Variants in PAX7 observed in about 807,000 individuals in gnomAD.
The protein encoded by PAX7 is paired box 7, also known as paired box protein Pax-7.
A neutral mutation model predicts 50.7 loss-of-function variants in PAX7; 18 were observed. That is an observed-to-expected ratio of 0.36 (90% CI 0.25 to 0.53). The LOEUF (loss-of-function observed/expected upper bound fraction) is 0.53. Among genes scored for constraint, PAX7 ranks in the 20% least tolerant of loss-of-function variants. The pLI, the probability that PAX7 is intolerant of heterozygous loss-of-function variation, is 0.93. For missense variants in PAX7, 644 were observed against 702.9 expected, an observed-to-expected ratio of 0.92 and a Z score of 0.95; for synonymous variants, 310 against 290.4, an observed-to-expected ratio of 1.07 and a Z score of -0.69.
intron 7 of PAX7, among the ~76,000 whole-genome samples, chr1:18,732,997 C>T (rs760129492): frequency 2.0e-5 from 3 of 152,076 alleles, no homozygotes; most frequent in Non-Finnish European, 2.9e-5. Flanking sequence ...TTCTGAGCCT[C>T]TAAGTCTATT....
chr1:18,657,983 C>G (rs573021010), intron 4 of PAX7, among the ~76,000 whole-genome samples: 3 of 152,310 alleles, frequency 2.0e-5, no homozygotes, highest in African/African-American at 7.2e-5. Flanking sequence ...TTTGTCCCCC[C>G]AGGGCCGACG....
chr1:18,727,820 G>A (rs1014424135), intron 7 of PAX7, among the ~76,000 whole-genome samples: 11 of 152,140 alleles, frequency 7.2e-5, no homozygotes, highest in East Asian at 3.9e-4. Flanking sequence ...GCAGGGCTTC[G>A]GTGTGGGATG....
At chr1:18,724,402 A>G (rs643644) in intron 7 of PAX7, among the ~76,000 whole-genome samples, 144,743 of 152,368 alleles carry the variant, frequency 0.95, 68,804 homozygotes, top group East Asian at 1. Context: ...GCCCCAACAC[A>G]GCCAAGGCAC....
intron 4 of PAX7, among the ~76,000 whole-genome samples, chr1:18,648,618 T>C (rs1209015433): frequency 6.6e-6 from 1 of 152,084 alleles, no homozygotes; most frequent in Non-Finnish European, 1.5e-5. Context: ...GCTGGGATTA[T>C]AGTGATGAGC....
intron 7 of PAX7, among the ~76,000 whole-genome samples, chr1:18,703,826 A>C (rs992630310): frequency 1.3e-5 from 2 of 152,192 alleles, no homozygotes; most frequent in African/African-American, 2.4e-5. Context: ...CCCCTGCCAC[A>C]TGTCTGTGGT....
intron 7 of PAX7, among the ~76,000 whole-genome samples, chr1:18,722,441 A>G (rs1012505535): frequency 6.6e-5 from 10 of 152,196 alleles, no homozygotes; most frequent in Admixed American, 2.0e-4. Context: ...TGGTACGTCA[A>G]TGCCGTGGGC....
chr1:18,646,394 T>C (rs547925463), intron 4 of PAX7, among the ~76,000 whole-genome samples: 1 of 152,210 alleles, frequency 6.6e-6, no homozygotes, highest in African/African-American at 2.4e-5. Flanking sequence ...GTCGACCCTC[T>C]TCCCCAAAAA....
At position 18,747,955 on chromosome 1, in the gene PAX7, T is replaced by G. The variant is rs1456090479; in HGVS notation, c.*3026T>G. ...GGTTCTTTCAATCTTGTTCCTTTAT[T>G]TTTTTCATTTGGTATTTCTCTCTTG... On this transcript the variant is annotated 3_prime_UTR_variant, in exon 9 of 9. Coordinates refer to ENST00000420770, the MANE Select transcript of PAX7 (RefSeq NM_001135254.2). 1 of 199,618 alleles carries G rather than the reference T, an allele frequency of 5.0e-6. No homozygotes were observed. The highest frequency in any genetic ancestry group is 1.0e-5 in the Non-Finnish European group (1 of 96,716). 12.4% of individuals were successfully genotyped at this position (199,618 alleles called of 1,614,324 possible).
In PAX7 at chr1:18,691,784, A is replaced by G; in HGVS notation, c.617A>G (p.Glu206Gly). 6.3e-7 allele frequency: 1 copy of G among 1,598,630 alleles called. No homozygotes were observed. Among genetic ancestry groups the G allele is most frequent in the Non-Finnish European group, 8.5e-7 (1 of 1,173,192 alleles). Reference sequence around the variant, plus strand: ...CGGCTGGACGAGGGCTCGGATGTGGAGTCGGAACCTGACCTCCCACTGAAG... The same window carrying G: ...CGGCTGGACGAGGGCTCGGATGTGGGGTCGGAACCTGACCTCCCACTGAAG... ...GNRLDEGSDVESEPDLPLKRK... is the reference protein window; with the variant it reads ...GNRLDEGSDVGSEPDLPLKRK... The change falls in exon 5 of 9, where the codon GAG becomes GGG. Residue 206 changes from glutamate to glycine, a missense_variant. Physicochemically the swap from Glu to Gly is moderately conservative, Grantham distance 98 (BLOSUM62 -2). Coordinates refer to ENST00000420770, the MANE Select transcript of PAX7 (RefSeq NM_001135254.2).
chr1:18,742,306 C>T (rs555853909), intron 8 of PAX7, among the ~76,000 whole-genome samples: 4 of 152,126 alleles, frequency 2.6e-5, no homozygotes, highest in East Asian at 3.9e-4. Context: ...TACTGGCATG[C>T]GCCACCACGT....
At chr1:18,688,300 C>T (rs575363832) in intron 4 of PAX7, among the ~76,000 whole-genome samples, 12 of 152,264 alleles carry the variant, frequency 7.9e-5, no homozygotes, top group African/African-American at 1.4e-4. Context: ...GACTAGCACA[C>T]GGGAAGTTGT....
At chr1:18,671,288 C>T (rs2088744866) in intron 4 of PAX7, among the ~76,000 whole-genome samples, 1 of 152,212 alleles carries the variant, frequency 6.6e-6, no homozygotes, top group Admixed American at 6.5e-5. Flanking sequence ...AAAATGAGTG[C>T]ATGAGAGACA....
Position 18,661,737 on chromosome 1 carries a change from G to T in PAX7, c.586+25366G>T, listed in dbSNP as rs192977869. On this transcript the variant is annotated intron_variant, in intron 4 of 8. Coordinates refer to ENST00000420770, the MANE Select transcript of PAX7 (RefSeq NM_001135254.2). ...AGCACACAAGAGCCTGGGCTCCCTCGGCCAACTGGGCCTGGCCTTTGAAGC... is the reference window on the plus strand; with the variant it reads ...AGCACACAAGAGCCTGGGCTCCCTCTGCCAACTGGGCCTGGCCTTTGAAGC... 1.5e-3 allele frequency among the ~76,000 whole-genome samples: 232 copies of T among 152,294 alleles called. 1 individual carries two copies. The highest frequency in any genetic ancestry group is 0.01 in the South Asian group (49 of 4,826).
At chr1:18,699,705 C>T (rs1019409626) in intron 5 of PAX7, among the ~76,000 whole-genome samples, 75 of 152,138 alleles carry the variant, frequency 4.9e-4, no homozygotes, top group African/African-American at 1.5e-3. Context: ...GGACTACAGG[C>T]GCCCACCACC....
At chr1:18,722,873 C>T (rs2089512482) in intron 7 of PAX7, among the ~76,000 whole-genome samples, 1 of 152,156 alleles carries the variant, frequency 6.6e-6, no homozygotes, top group Admixed American at 6.5e-5. Context: ...CAGCTTTTTC[C>T]TCTCCATCTT....
intron 7 of PAX7, among the ~76,000 whole-genome samples, chr1:18,731,033 G>T (rs563931352): frequency 2.0e-5 from 3 of 152,278 alleles, no homozygotes; most frequent in African/African-American, 7.2e-5. Context: ...CAGATGTGGA[G>T]GTCGGTATTG....
In PAX7 at chr1:18,636,735, T is replaced by G. The variant is rs2088164466; in HGVS notation, c.586+364T>G. Among the ~76,000 whole-genome samples the G allele has an allele frequency of 6.6e-6, 1 of 151,806 alleles. No homozygotes were observed. The highest frequency in any genetic ancestry group is 1.5e-5 in the Non-Finnish European group (1 of 67,948). ...GCTACTCTCGGCGTCGATCAATTAT[T>G]TATAGGAAACTTGGGCAAGGGGGCG... On this transcript the variant is annotated intron_variant, in intron 4 of 8. Coordinates refer to ENST00000420770, the MANE Select transcript of PAX7 (RefSeq NM_001135254.2). This position sits in a 1 kb window ranked among gnomAD's most constrained non-coding sequence, Gnocchi z 5.1.
chr1:18,634,197 C>A lies in PAX7; in HGVS notation c.86-106C>A. ...GACCACCGGGATTGCTGTCTGAGGT[C>A]TTGGGGCTCAAACAAACAAAACTGG... On this transcript the variant is annotated intron_variant, in intron 1 of 8. Transcript: ENST00000420770. The surrounding 1 kb of genome is among the most constrained non-coding windows in gnomAD (Gnocchi z 4.0). 1 of 862,356 alleles carries A rather than the reference C, an allele frequency of 1.2e-6. No homozygotes were observed. The highest frequency in any genetic ancestry group is 2.3e-5 in the Admixed American group (1 of 44,326). The allele number at this position is 862,356 out of a possible 1,614,324, so 53.4% of individuals were successfully genotyped here.
chr1:18,712,042 A>G (rs9439682), intron 7 of PAX7, among the ~76,000 whole-genome samples: 5,620 of 151,846 alleles, frequency 0.037, 366 homozygotes, highest in African/African-American at 0.13. Flanking sequence ...CCAATCCCCC[A>G]GGGCTTTTTC....
Sources: gnomAD v4.1 joint callset for allele counts (sites outside exome capture counted in the v4.1 genomes callset) on GRCh38, gnomAD v4.1.1 for gene constraint, Gnocchi (gnomAD v3.1) non-coding constraint, MANE v1.5 for transcripts, NCBI Gene and HGNC (gene_info 2026-07-23, HGNC 2026-07-21) for gene names.